The following EGLN2 variants were observed in gnomAD, a reference collection of about 807,000 sequenced individuals.
EGLN2 encodes the protein prolyl hydroxylase EGLN2.
In EGLN2, 15 loss-of-function variants were observed where a neutral mutation model predicts 38.2. That is an observed-to-expected ratio of 0.39 (90% CI 0.26 to 0.60). The LOEUF (loss-of-function observed/expected upper bound fraction) is 0.60, where lower values mean the gene tolerates loss of function less well. Among genes scored for constraint, EGLN2 ranks in the 20% least tolerant of loss-of-function variants. The pLI is 0.50. For missense variants in EGLN2, 492 were observed against 570.4 expected, an observed-to-expected ratio of 0.86 and a Z score of 1.40; for synonymous variants, 284 against 237.4, an observed-to-expected ratio of 1.20 and a Z score of -1.81.
At chr19:40,807,461 T>G (rs374186657) in intron 4 of EGLN2, 23 bp from the exon 5 acceptor site, 4 of 1,613,908 alleles carry the variant, frequency 2.5e-6, no homozygotes, top group Non-Finnish European at 3.4e-6. Context: ...AGAAAACTAA[T>G]GTCCAACCAC....
In EGLN2 at chr19:40,806,685, G is replaced by A. The variant is rs1327102790; in HGVS notation, c.963+11G>A. The A allele has an allele frequency of 1.9e-6, 3 of 1,612,762 alleles. No individual in the cohort carries two copies. Among genetic ancestry groups the A allele is most frequent in the African/African-American group, 2.7e-5 (2 of 74,988 alleles). ...AACTGGGACGTTAAGGTAGGGGTGA[G>A]GGTGAGGGTGAGGGTGGCGCTGGGG... is the stretch of plus-strand genomic sequence containing the variant. On this transcript the variant is annotated intron_variant, in intron 3 of 5. Coordinates refer to ENST00000303961, the MANE Select transcript of EGLN2 (RefSeq NM_080732.4).
chr19:40,807,121 C>T lies in EGLN2; in HGVS notation c.964-17C>T. 1 of 1,613,822 alleles carries T rather than the reference C, an allele frequency of 6.2e-7. No homozygotes were observed. The highest frequency in any genetic ancestry group is 8.5e-7 in the Non-Finnish European group (1 of 1,179,926). Reference sequence around the variant, plus strand: ...CCTGGCCGTACCAGCTAGCCTCATCCTTTGGCCTGCCCCCAGGTGCATGGC... The same window carrying T: ...CCTGGCCGTACCAGCTAGCCTCATCTTTTGGCCTGCCCCCAGGTGCATGGC... On this transcript the variant is annotated splice_polypyrimidine_tract_variant and intron_variant, in intron 3 of 5. Transcript: ENST00000303961.
intron 4 of EGLN2, 80 bp downstream of exon 4, chr19:40,807,354 A>G: frequency 6.2e-7 from 1 of 1,607,544 alleles, no homozygotes; most frequent in Non-Finnish European, 8.5e-7. Context: ...GTGACTAGGG[A>G]GCGACGAAGT....
chr19:40,800,997 A>G lies in EGLN2; in HGVS notation c.425A>G (p.Gln142Arg), dbSNP rs1303708979. ...SKRPWARQENQEAEREGGMSC... is the reference protein window; with the variant it reads ...SKRPWARQENREAEREGGMSC... ...CGGCCCTGGGCCAGGCAAGAGAACC[A>G]GGAGGCAGAGCGGGAGGGTGGCATG... The change falls in exon 2 of 6, where the codon CAG becomes CGG. Residue 142 changes from glutamine to arginine, a missense_variant. Transcript: ENST00000303961. The G allele has an allele frequency of 6.2e-7, 1 of 1,612,840 alleles. No homozygotes were observed. Among genetic ancestry groups the G allele is most frequent in the Non-Finnish European group, 8.5e-7 (1 of 1,179,732 alleles).
At position 40,807,565 on chromosome 19, in the gene EGLN2, T is replaced by C. The variant is rs1376450065; in HGVS notation, c.1168+14T>C. On this transcript the variant is annotated intron_variant, in intron 5 of 5. Transcript: ENST00000303961. ...AGTATCAGCTAGGTACCTGCTTCCCTCCCTTCAGTCCTTCCTATTCTGTGG... is the reference window on the plus strand; with the variant it reads ...AGTATCAGCTAGGTACCTGCTTCCCCCCCTTCAGTCCTTCCTATTCTGTGG... The C allele has an allele frequency of 6.2e-7, 1 of 1,613,838 alleles. No homozygotes were observed. The highest frequency in any genetic ancestry group is 8.5e-7 in the Non-Finnish European group (1 of 1,179,750).
In EGLN2 at chr19:40,806,677, A is replaced by AGGGGTG; in HGVS notation, c.963+4_963+9dup. 1 of 1,533,888 alleles carries AGGGGTG rather than the reference A, an allele frequency of 6.5e-7. No individual in the cohort carries two copies. Among genetic ancestry groups the AGGGGTG allele is most frequent in the Non-Finnish European group, 8.9e-7 (1 of 1,127,788 alleles). On this transcript the variant is annotated splice_donor_region_variant and intron_variant, in intron 3 of 5. Transcript: ENST00000303961. ...TGAATCAGAACTGGGACGTTAAGGT[A>AGGGGTG]GGGGTGAGGGTGAGGGTGAGGGTGG...
At chr19:40,805,034 G>A (rs2083291172) in intron 2 of EGLN2, 1 of 152,412 alleles carries the variant, frequency 6.6e-6, no homozygotes, top group Non-Finnish European at 1.5e-5. Flanking sequence ...TCCTGGGGAG[G>A]GTGAGGATTG....
intron 2 of EGLN2, chr19:40,803,203 TC>T (rs1424035917): frequency 6.6e-6 from 1 of 152,328 alleles, no homozygotes; most frequent in Non-Finnish European, 1.5e-5. Context: ...AATTTGCTGA[TC>T]CACGGAATAC....
rs368240732 is a variant in EGLN2, at chr19:40,806,547, C to T, written c.844-8C>T. 1.2e-5 allele frequency: 19 copies of T among 1,613,948 alleles called. No homozygotes were observed. The highest frequency in any genetic ancestry group is 2.2e-5 in the East Asian group (1 of 44,880). ...CCCAGTAAACCTACCTCCCTCCATC[C>T]CTGCCAGGCCATGGTGGCGTGTTAC... is the stretch of plus-strand genomic sequence containing the variant. On this transcript the variant is annotated splice_polypyrimidine_tract_variant and splice_region_variant and intron_variant, in intron 2 of 5. Transcript: ENST00000303961.
Position 40,801,043 on chromosome 19 carries a change from C to G in EGLN2, c.471C>G (p.Gly157=). The change falls in exon 2 of 6, where the codon GGC becomes GGG. Residue 157 remains glycine, a synonymous_variant. Coordinates refer to ENST00000303961, the MANE Select transcript of EGLN2 (RefSeq NM_080732.4). ...EGGMSCSCSS[G]SGEASAGLME... is the part of the protein sequence containing the mutation. ...GCATGAGCTGCAGCTGCAGCAGTGG[C>G]AGTGGTGAGGCCAGTGCTGGGCTGA... 1.2e-6 allele frequency: 2 copies of G among 1,613,026 alleles called. No individual in the cohort carries two copies. Among genetic ancestry groups the G allele is most frequent in the Non-Finnish European group, 1.7e-6 (2 of 1,179,840 alleles).
Position 40,800,652 on chromosome 19 carries a change from C to G in EGLN2, c.80C>G (p.Pro27Arg), listed in dbSNP as rs745499510. 1 of 1,613,894 alleles carries G rather than the reference C, an allele frequency of 6.2e-7. No individual in the cohort carries two copies. Among genetic ancestry groups the G allele is most frequent in the Admixed American group, 1.7e-5 (1 of 60,004 alleles). The change falls in exon 2 of 6, where the codon CCT (proline) becomes CGT (arginine). Residue 27 changes from proline to arginine, a missense_variant. Around this residue, in one of 2 missense-constraint regions of EGLN2, gnomAD observed 378 missense variants for 386.2 expected, o/e 0.98. Transcript: ENST00000303961. Reference protein sequence around the residue: ...LPGSSSEPLEPEPGRARMGVE... With the variant: ...LPGSSSEPLEREPGRARMGVE... ...GGGTCTTCGTCAGAGCCCTTGGAGC[C>G]TGAGCCTGGCCGGGCCAGGATGGGA... is the stretch of plus-strand genomic sequence containing the variant.
At chr19:40,799,589 C>A (rs1249837891) in intron 1 of EGLN2, 2 of 151,080 alleles carry the variant, frequency 1.3e-5, no homozygotes, top group Non-Finnish European at 3.0e-5. Context: ...GGGTTGGGGG[C>A]GTTGGGGTGC....
chr19:40,799,540 T>A (rs1386353732), intron 1 of EGLN2: 1 of 150,608 alleles, frequency 6.6e-6, no homozygotes, highest in African/African-American at 2.4e-5. Flanking sequence ...CCTGCCCCTG[T>A]CGCCTACTGC....
At chr19:40,807,097 C>T (rs1599763561) in intron 3 of EGLN2, 41 bp from the exon 4 acceptor site, 3 of 1,608,386 alleles carry the variant, frequency 1.9e-6, no homozygotes, top group Non-Finnish European at 2.6e-6. Flanking sequence ...GCAGCGGCTC[C>T]TGGCCGTACC....
chr19:40,801,350 G>A lies in EGLN2; in HGVS notation c.778G>A (p.Val260Met). ...CRSIGALMAH[V>M]DAVIRHCAGR... ...AAGCATTGGTGCCCTCATGGCCCAT[G>A]TGGACGCCGTCATCCGCCACTGCGC... The change falls in exon 2 of 6, where the codon GTG becomes ATG. Residue 260 changes from valine (V) to methionine (M), a missense_variant. By Grantham distance (21) the Val-to-Met change is conservative. Coordinates refer to ENST00000303961, the MANE Select transcript of EGLN2 (RefSeq NM_080732.4). The A allele has an allele frequency of 6.2e-7, 1 of 1,611,812 alleles. No homozygotes were observed.
chr19:40,807,237 C>T lies in EGLN2; in HGVS notation c.1063C>T (p.Arg355Trp), dbSNP rs1349997342. ...DRLLIFWSDR[R>W]NPHEVKPAYA... Reference sequence around the variant, plus strand: ...GTTGCTCATTTTCTGGTCTGACCGGCGGAACCCCCACGAGGTGAAGCCAGC... The same window carrying T: ...GTTGCTCATTTTCTGGTCTGACCGGTGGAACCCCCACGAGGTGAAGCCAGC... Residue 355 changes from arginine to tryptophan, a missense_variant, in exon 4 of 6, where the codon CGG (arginine) becomes TGG (tryptophan). Physicochemically the swap from Arg to Trp is moderately radical, Grantham distance 101. This residue lies in a region of EGLN2 where 114 missense variants were observed against 184.2 expected (regional missense o/e 0.62). Coordinates refer to ENST00000303961, the MANE Select transcript of EGLN2 (RefSeq NM_080732.4). 1.2e-6 allele frequency: 2 copies of T among 1,614,180 alleles called. No homozygotes were observed. The highest frequency in any genetic ancestry group is 2.2e-5 in the South Asian group (2 of 91,080).
rs2545761 is a variant in EGLN2, at chr19:40,800,329, C to T, written c.-234-10C>T. On this transcript the variant is annotated splice_polypyrimidine_tract_variant and intron_variant, in intron 1 of 5. Coordinates refer to ENST00000303961, the MANE Select transcript of EGLN2 (RefSeq NM_080732.4). Reference sequence around the variant, plus strand: ...TCTCTCACATCCCTTTTTTTTTTTCCTTTCTCTAGCCACCCTGAAGGGTCC... The same window carrying T: ...TCTCTCACATCCCTTTTTTTTTTTCTTTTCTCTAGCCACCCTGAAGGGTCC... The T allele has an allele frequency of 0.064, 29,876 of 468,440 alleles. 1,697 individuals carry two copies. The highest frequency in any genetic ancestry group is 0.24 in the East Asian group (7,197 of 29,630). 29.0% of individuals were successfully genotyped at this position (468,440 alleles called of 1,614,324 possible).
rs749392420 is a variant in EGLN2, at chr19:40,800,872, C to T, written c.300C>T (p.Val100=). ...AGAGTGAAGGCGCTGCAGCGCTGGT[C>T]ACCAAGGGGTGCCAGCGATTGGCAG... ...PLQSEGAAAL[V]TKGCQRLAAQ... The change falls in exon 2 of 6, where the codon GTC becomes GTT. Residue 100 remains valine (V), a synonymous_variant. Coordinates refer to ENST00000303961, the MANE Select transcript of EGLN2 (RefSeq NM_080732.4). 9.9e-6 allele frequency: 16 copies of T among 1,611,858 alleles called. No homozygotes were observed. The highest frequency in any genetic ancestry group is 1.3e-5 in the Non-Finnish European group (15 of 1,179,402).
chr19:40,806,429 C>G, intron 2 of EGLN2, 126 bp from the exon 3 acceptor site: 1 of 1,513,568 alleles, frequency 6.6e-7, no homozygotes, highest in Non-Finnish European at 8.9e-7. Flanking sequence ...GAGCTTGGAA[C>G]CCTTGACCCA....
Sources: allele counts gnomAD v4.1 joint callset, GRCh38; gene constraint gnomAD v4.1.1; regional missense constraint gnomAD v4.1.1; transcripts MANE v1.5; gene names NCBI Gene and HGNC (gene_info 2026-07-23, HGNC 2026-07-21).